Variants in HOXC4 observed in about 807,000 individuals in gnomAD.
The protein encoded by HOXC4 is homeobox C4.
A neutral mutation model predicts 25.5 loss-of-function variants in HOXC4; 15 were observed. The ratio of observed to expected loss-of-function variants is 0.59; its 90% CI spans 0.39 to 0.91. The LOEUF is 0.91. HOXC4 is among the 40% of genes least tolerant of loss of function. The pLI is 0.00. For missense variants in HOXC4, 342 were observed against 352.4 expected (o/e 0.97, Z 0.24); for synonymous variants, 165 against 148.0 (o/e 1.11, Z -0.83).
At chr12:54,039,123 C>G (rs1296598705) in intron 1 of HOXC4, among the ~76,000 whole-genome samples, 2 of 151,970 alleles carry the variant, frequency 1.3e-5, no homozygotes, top group African/African-American at 4.8e-5. Context: ...GGGCTGAATG[C>G]CAGCGGACCC....
At chr12:54,034,007 C>A (rs773034544) in intron 1 of HOXC4, 1 of 644,600 alleles carries the variant, frequency 1.6e-6, no homozygotes, top group Non-Finnish European at 2.9e-6. Flanking sequence ...GCTTATTGTT[C>A]GGTCCGAGCC....
intron 1 of HOXC4, chr12:54,034,210 G>A (rs967179597): frequency 1.1e-5 from 16 of 1,414,394 alleles, no homozygotes; most frequent in Non-Finnish European, 1.5e-5. Context: ...GCCTGGGCTG[G>A]GGTGGGGACG....
intron 1 of HOXC4, among the ~76,000 whole-genome samples, chr12:54,026,936 T>TC (rs60226451): frequency 0.039 from 5,458 of 138,476 alleles, 116 homozygotes; most frequent in African/African-American, 0.077. Flanking sequence ...TAGCCAGCTT[T>TC]CCCCCCCCCC....
chr12:54,033,829 A>T, intron 1 of HOXC4: 1 of 546,150 alleles, frequency 1.8e-6, no homozygotes, highest in Non-Finnish European at 3.3e-6. Flanking sequence ...TTAAAAAAAT[A>T]GAGGGATCTG....
chr12:54,054,196 G>A lies in HOXC4; in HGVS notation c.274G>A (p.Glu92Lys), dbSNP rs141526599. ...GGCCCAGGCGGGCCACCACCACCCC[G>A]AGAAATCACAGTCGCTCTGCGAGCC... ...GPAQAGHHHP[E>K]KSQSLCEPAP... The change falls in exon 1 of 2, where the codon GAG becomes AAG. Residue 92 changes from glutamate (E) to lysine (K), a missense_variant. Transcript: ENST00000430889. The A allele has an allele frequency of 5.6e-6, 9 of 1,612,668 alleles. No individual in the cohort carries two copies. Among genetic ancestry groups the A allele is most frequent in the Non-Finnish European group, 7.6e-6 (9 of 1,179,578 alleles).
At chr12:54,017,904 C>T (rs1231607091) in intron 1 of HOXC4, among the ~76,000 whole-genome samples, 1 of 152,158 alleles carries the variant, frequency 6.6e-6, no homozygotes, top group Non-Finnish European at 1.5e-5. Flanking sequence ...CCCTGTCTGG[C>T]AGCCCCCTCC....
At chr12:54,037,157 C>A (rs1213078555) in intron 1 of HOXC4, among the ~76,000 whole-genome samples, 1 of 152,206 alleles carries the variant, frequency 6.6e-6, no homozygotes, top group Non-Finnish European at 1.5e-5. Flanking sequence ...GCAGCATCGT[C>A]GGGAGTCAGC....
intron 1 of HOXC4, chr12:54,033,387 G>A (rs1941066127): frequency 6.2e-7 from 1 of 1,612,754 alleles, no homozygotes; most frequent in South Asian, 1.1e-5. Flanking sequence ...TCCGGGCAGA[G>A]ACGAAGCGGC....
intron 1 of HOXC4, chr12:54,029,521 G>C (rs1041274442): frequency 1.2e-6 from 1 of 867,574 alleles, no homozygotes. Context: ...CAAGGCAAAA[G>C]GGAGAAGGCT....
intron 1 of HOXC4, among the ~76,000 whole-genome samples, chr12:54,045,404 T>G (rs1165381824): frequency 6.6e-6 from 1 of 152,242 alleles, no homozygotes. Context: ...TTGGTACAGC[T>G]CTCTTGAAAC....
intron 1 of HOXC4, among the ~76,000 whole-genome samples, chr12:54,025,407 C>T (rs1314961396): frequency 1.3e-5 from 2 of 151,828 alleles, no homozygotes; most frequent in Non-Finnish European, 2.9e-5. Context: ...TAGGGAAGAT[C>T]GGGCTCATCT....
chr12:54,051,871 AATTT>A (rs1205717968), upstream of HOXC4, among the ~76,000 whole-genome samples: 1 of 152,150 alleles, frequency 6.6e-6, no homozygotes, highest in Non-Finnish European at 1.5e-5. Context: ...GGGAAGCCCT[AATTT>A]GGAAGTGGGG....
chr12:54,045,788 G>C (rs866294332), intron 1 of HOXC4, among the ~76,000 whole-genome samples: 1 of 152,124 alleles, frequency 6.6e-6, no homozygotes, highest in Non-Finnish European at 1.5e-5. Flanking sequence ...GCTTATTAAA[G>C]CAAGTAATTC....
At chr12:54,026,968 G>GC (rs1042785357) in intron 1 of HOXC4, among the ~76,000 whole-genome samples, 5 of 135,122 alleles carry the variant, frequency 3.7e-5, no homozygotes, top group Non-Finnish European at 4.9e-5. Flanking sequence ...AAATGGTGGG[G>GC]GGGGGGGGAT....
chr12:54,034,286 G>T (rs752801299), intron 1 of HOXC4: 1 of 1,613,484 alleles, frequency 6.2e-7, no homozygotes, highest in South Asian at 1.1e-5. Context: ...AGAGACGGAC[G>T]GCAAGCGGTC....
At chr12:54,048,755 A>G (rs1937778653) in intron 1 of HOXC4, among the ~76,000 whole-genome samples, 2 of 152,076 alleles carry the variant, frequency 1.3e-5, no homozygotes, top group South Asian at 2.1e-4. Flanking sequence ...ACCCTCATAA[A>G]CTCTTAAAAG....
At chr12:54,030,206 A>G (rs1449536185) in intron 1 of HOXC4, 2 of 428,312 alleles carry the variant, frequency 4.7e-6, no homozygotes, top group African/African-American at 3.9e-5. Flanking sequence ...GCTTGTCTAC[A>G]GGCCCTTTTC....
intron 1 of HOXC4, chr12:54,033,232 G>C: frequency 4.3e-6 from 7 of 1,614,188 alleles, no homozygotes; most frequent in Non-Finnish European, 5.9e-6. Flanking sequence ...CAGGCATCCA[G>C]GTACTGCTAC....
At chr12:54,034,286 G>A (rs752801299) in intron 1 of HOXC4, 2 of 1,613,484 alleles carry the variant, frequency 1.2e-6, no homozygotes, top group East Asian at 2.2e-5. Flanking sequence ...AGAGACGGAC[G>A]GCAAGCGGTC....
Sources: gnomAD v4.1 joint callset for allele counts (sites outside exome capture counted in the v4.1 genomes callset) on GRCh38, gnomAD v4.1.1 for gene constraint, MANE v1.5 for transcripts, NCBI Gene and HGNC (gene_info 2026-07-23, HGNC 2026-07-21) for gene names.